MPHOSPH10: variants seen among roughly 807,000 people sequenced by gnomAD.
MPHOSPH10 encodes the protein M-phase phosphoprotein 10.
MPHOSPH10 carries 33 observed loss-of-function variants against 77.3 expected under a neutral mutation model. The observed-to-expected ratio is 0.43, with a 90% CI of 0.32 to 0.57. The LOEUF is 0.57. MPHOSPH10 is among the 20% of genes least tolerant of loss of function. The pLI is 0.07. For synonymous variants in MPHOSPH10, 245 were observed against 268.0 expected (o/e 0.91, Z 0.84); for missense variants, 708 against 780.1 (o/e 0.91, Z 1.10).
chr2:71,141,458 G>GA (rs1310098480), intron 7 of MPHOSPH10, 89 bp downstream of exon 7: 1 of 1,133,154 alleles, frequency 8.8e-7, no homozygotes, highest in South Asian at 2.6e-5. Context: ...TCGTGAAACA[G>GA]AAATCTTGAG....
rs1673517103 is a variant in MPHOSPH10 at position 71,137,382 on chromosome 2, G to T, written c.1099-1108G>T. On this transcript the variant is annotated intron_variant, in intron 4 of 10. Coordinates refer to ENST00000244230, the MANE Select transcript of MPHOSPH10 (RefSeq NM_005791.3). ...AGATAAGAGATGAGGAAAACTGCCA[G>T]GTGCGGTGGCTCATGCCTGTAATCC... is the stretch of plus-strand genomic sequence containing the variant. Among the ~76,000 whole-genome samples the T allele has an allele frequency of 3.3e-5, 5 of 152,254 alleles. No individual in the cohort carries two copies. In the East Asian group the frequency reaches 7.7e-4, roughly 24 times the overall value.
intron 4 of MPHOSPH10, 44 bp downstream of exon 4, chr2:71,134,841 C>T (rs1023338403): frequency 1.4e-6 from 2 of 1,393,850 alleles, no homozygotes; most frequent in Non-Finnish European, 2.0e-6. Flanking sequence ...TGATATTAAC[C>T]ATCCTTTGAA....
intron 7 of MPHOSPH10, among the ~76,000 whole-genome samples, chr2:71,141,968 G>A (rs1673622230): frequency 6.6e-6 from 1 of 152,128 alleles, no homozygotes; most frequent in African/African-American, 2.4e-5. Context: ...GGAAGTGGAG[G>A]TTGCAGTGAG....
At chr2:71,147,961 C>A in intron 8 of MPHOSPH10, 38 bp from the exon 9 acceptor site, 1 of 1,535,092 alleles carries the variant, frequency 6.5e-7, no homozygotes, top group Non-Finnish European at 9.0e-7. Context: ...GTTAGAGTCC[C>A]TTCTGGCTTC....
At chr2:71,130,829 TGTG>T in intron 1 of MPHOSPH10, 75 bp downstream of exon 1, 4 of 1,402,076 alleles carry the variant, frequency 2.9e-6, no homozygotes, top group Non-Finnish European at 3.9e-6. Context: ...TCCGGCAAAT[TGTG>T]GAGCTGGGGG....
At chr2:71,144,359 C>A in intron 7 of MPHOSPH10, 69 bp from the exon 8 acceptor site, 1 of 1,133,202 alleles carries the variant, frequency 8.8e-7, no homozygotes. Context: ...CTCTCATTGA[C>A]CTTTAGTGTT....
At chr2:71,140,732 G>A (rs1673594232) in intron 6 of MPHOSPH10, among the ~76,000 whole-genome samples, 1 of 152,080 alleles carries the variant, frequency 6.6e-6, no homozygotes. Flanking sequence ...TGTACAGTAA[G>A]AGATGGCCTT....
At chr2:71,134,946 C>T in intron 4 of MPHOSPH10, 149 bp downstream of exon 4, 3 of 637,692 alleles carry the variant, frequency 4.7e-6, no homozygotes, top group East Asian at 2.9e-5. Flanking sequence ...GCAAGAGGAT[C>T]GCTTGAGCTC....
At chr2:71,145,490 G>GT (rs1205389905) in intron 8 of MPHOSPH10, among the ~76,000 whole-genome samples, 41 of 137,590 alleles carry the variant, frequency 3.0e-4, no homozygotes, top group Middle Eastern at 3.6e-3. Context: ...TAACCTGGTT[G>GT]TTTTTTTTTG....
intron 1 of MPHOSPH10, among the ~76,000 whole-genome samples, chr2:71,132,027 C>T (rs184332215): frequency 6.6e-6 from 1 of 152,146 alleles, no homozygotes; most frequent in Non-Finnish European, 1.5e-5. Flanking sequence ...TTTTCAGGTA[C>T]TCAAACATAA....
chr2:71,146,334 CTTT>C (rs778705527), intron 8 of MPHOSPH10, among the ~76,000 whole-genome samples: 2 of 107,328 alleles, frequency 1.9e-5, no homozygotes, highest in African/African-American at 7.0e-5. Flanking sequence ...TTTTTTGTGG[CTTT>C]TTTTTTTTTT....
chr2:71,147,663 G>T (rs357745), intron 8 of MPHOSPH10, among the ~76,000 whole-genome samples: 44,870 of 151,188 alleles, frequency 0.3, 6,793 homozygotes, highest in Admixed American at 0.39. Flanking sequence ...ACAGAGCAAG[G>T]CTCTGTCTCA....
intron 8 of MPHOSPH10, among the ~76,000 whole-genome samples, chr2:71,146,248 T>C (rs72905540): frequency 0.04 from 6,143 of 152,150 alleles, 372 homozygotes; most frequent in African/African-American, 0.13. Context: ...AGGTTCCCCT[T>C]GATATTACTT....
Position 71,133,350 on chromosome 2 carries a change from A to C in MPHOSPH10, c.542A>C (p.Glu181Ala), listed in dbSNP as rs1673423904. ...CTTGACTTTGATATCAGCAAATTGG[A>C]ACAGCAGAGCAAGGTGCAAAACAAA... ...SDLDFDISKLEQQSKVQNKGQ... is the reference protein window; with the variant it reads ...SDLDFDISKLAQQSKVQNKGQ... Residue 181 changes from glutamate (E) to alanine (A), a missense_variant, in exon 2 of 11, where the codon GAA becomes GCA. By Grantham distance (107) the Glu-to-Ala change is moderately radical. This residue lies in a region of MPHOSPH10 where 433 missense variants were observed against 432.6 expected (regional missense o/e 1.00). Coordinates refer to ENST00000244230, the MANE Select transcript of MPHOSPH10 (RefSeq NM_005791.3). The C allele has an allele frequency of 6.2e-7, 1 of 1,614,164 alleles. No homozygotes were observed. Among genetic ancestry groups the C allele is most frequent in the Admixed American group, 1.7e-5 (1 of 60,018 alleles).
chr2:71,149,453 G>T lies in MPHOSPH10; in HGVS notation c.1896G>T (p.Lys632Asn), dbSNP rs770623000. ...LTKTGKASFIKDEGKDKALKS... is the reference protein window; with the variant it reads ...LTKTGKASFINDEGKDKALKS... ...AAACTGGCAAAGCTTCCTTCATAAA[G>T]GTAAGGACAAGGGAAAGAAAACTGC... Residue 632 changes from lysine to asparagine, a missense_variant and splice_region_variant, in exon 10 of 11, where the codon AAG (lysine) becomes AAT (asparagine). Coordinates refer to ENST00000244230, the MANE Select transcript of MPHOSPH10 (RefSeq NM_005791.3). 1.9e-6 allele frequency: 3 copies of T among 1,612,538 alleles called. No homozygotes were observed. Among genetic ancestry groups the T allele is most frequent in the Non-Finnish European group, 2.5e-6 (3 of 1,179,472 alleles).
At chr2:71,134,928 A>G in intron 4 of MPHOSPH10, 131 bp downstream of exon 4, 1 of 699,156 alleles carries the variant, frequency 1.4e-6, no homozygotes, top group Non-Finnish European at 2.3e-6. Flanking sequence ...ACACTTTGGT[A>G]GTCCAAAGCA....
chr2:71,132,388 T>C (rs1479294566), intron 1 of MPHOSPH10, among the ~76,000 whole-genome samples: 2 of 152,182 alleles, frequency 1.3e-5, no homozygotes, highest in Non-Finnish European at 2.9e-5. Context: ...ACTCTAGCCA[T>C]GGTCACCTGT....
rs1030207130 is a variant in MPHOSPH10, at chr2:71,130,739, C to A, written c.74C>A (p.Pro25His). ...LTEVGKATGR[P>H]ECFLTIQEGL... Reference sequence around the variant, plus strand: ...GAAGTCGGCAAAGCCACGGGTCGGCCCGAGTGCTTCCTCACGTAAGTGCGC... The same window carrying A: ...GAAGTCGGCAAAGCCACGGGTCGGCACGAGTGCTTCCTCACGTAAGTGCGC... The change falls in exon 1 of 11, where the codon CCC becomes CAC. Residue 25 changes from proline to histidine, a missense_variant. By Grantham distance (77) the Pro-to-His change is moderately conservative. Transcript: ENST00000244230. The A allele has an allele frequency of 1.9e-6, 3 of 1,609,198 alleles. No individual in the cohort carries two copies. Among genetic ancestry groups the A allele is most frequent in the Non-Finnish European group, 2.5e-6 (3 of 1,178,120 alleles).
At chr2:71,138,688 A>T in intron 5 of MPHOSPH10, 57 bp downstream of exon 5, 6 of 1,608,036 alleles carry the variant, frequency 3.7e-6, no homozygotes, top group Non-Finnish European at 5.1e-6. Flanking sequence ...GTTCCATTTC[A>T]TACAAAGATT....
Sources: gnomAD v4.1 joint callset for allele counts (sites outside exome capture counted in the v4.1 genomes callset) on GRCh38, gnomAD v4.1.1 for gene constraint, gnomAD v4.1.1 regional missense constraint, MANE v1.5 for transcripts, NCBI Gene and HGNC (gene_info 2026-07-23, HGNC 2026-07-21) for gene names.